Variants in DHRS2 observed in about 807,000 individuals in gnomAD.
DHRS2 encodes the protein dehydrogenase/reductase 2.
In DHRS2, 29 loss-of-function variants were observed where a neutral mutation model predicts 26.3. The ratio of observed to expected loss-of-function variants is 1.10; its 90% confidence interval spans 0.82 to 1.50. The LOEUF (loss-of-function observed/expected upper bound fraction) is 1.50. Ranked by LOEUF, DHRS2 falls within the 40% of genes most tolerant of loss-of-function variation. DHRS2 has a pLI of 0.00. For synonymous variants in DHRS2, 164 were observed against 151.3 expected (o/e 1.08, Z -0.62); for missense variants, 439 against 367.1 (o/e 1.20, Z -1.60).
chr14:23,644,832 T>C lies in DHRS2; in HGVS notation c.681T>C (p.His227=). ...CATTTCTTCCCTTTGCCCAGTTTCATGGGAATGAGTCTCTCTGGAAGAACT... is the reference window on the plus strand; with the variant it reads ...CATTTCTTCCCTTTGCCCAGTTTCACGGGAATGAGTCTCTCTGGAAGAACT... ...IIKTDFSKVF[H]GNESLWKNFK... is the part of the protein sequence containing the mutation. The change falls in exon 8 of 9, where the codon CAT becomes CAC. Residue 227 remains histidine, a synonymous_variant. Coordinates refer to ENST00000250383, the MANE Select transcript of DHRS2 (RefSeq NM_005794.4). The C allele has an allele frequency of 6.2e-7, 1 of 1,614,202 alleles. No individual in the cohort carries two copies. The highest frequency in any genetic ancestry group is 8.5e-7 in the Non-Finnish European group (1 of 1,180,014).
intron 4 of DHRS2, chr14:23,640,127 T>G (rs1289992487): frequency 2.8e-6 from 2 of 716,308 alleles, no homozygotes; most frequent in Non-Finnish European, 3.8e-6. Context: ...TTTTCTCTTC[T>G]CATCACTTTT....
intron 4 of DHRS2, chr14:23,641,618 A>G: frequency 7.8e-7 from 1 of 1,289,556 alleles, no homozygotes; most frequent in Non-Finnish European, 1.0e-6. Flanking sequence ...GTCTGTTTTG[A>G]CCAGGAAACC....
At position 23,639,150 on chromosome 14, in the gene DHRS2, T is replaced by C. The variant is rs568333361; in HGVS notation, c.141-29T>C. 5.6e-6 allele frequency: 9 copies of C among 1,609,310 alleles called. No homozygotes were observed. In the African/African-American group the frequency reaches 1.1e-4, roughly 19 times the overall value. ...AAGGACAGTGGAGAGAGGCTGAGGCTGACTTTTGCCCTCCATCTCTGCATT... is the reference window on the plus strand; with the variant it reads ...AAGGACAGTGGAGAGAGGCTGAGGCCGACTTTTGCCCTCCATCTCTGCATT... On this transcript the variant is annotated intron_variant, in intron 2 of 8. Coordinates refer to ENST00000250383, the MANE Select transcript of DHRS2 (RefSeq NM_005794.4).
chr14:23,644,670 C>A, intron 7 of DHRS2, 127 bp downstream of exon 7: 1 of 1,509,272 alleles, frequency 6.6e-7, no homozygotes, highest in East Asian at 2.3e-5. Flanking sequence ...TCATTGTTCT[C>A]TGAACTCAGC....
chr14:23,634,840 G>A (rs574887051), upstream of DHRS2, among the ~76,000 whole-genome samples: 129 of 152,238 alleles, frequency 8.5e-4, no homozygotes, highest in African/African-American at 3.1e-3. Flanking sequence ...CTGCTCTTGT[G>A]ATAGTGAGTG....
intron 6 of DHRS2, 37 bp downstream of exon 6, chr14:23,644,199 G>C (rs1890780125): frequency 1.2e-6 from 2 of 1,609,812 alleles, no homozygotes; most frequent in Non-Finnish European, 1.7e-6. Flanking sequence ...AGTGGTATAG[G>C]GTGAGGGGCA....
In DHRS2 at chr14:23,645,130, T is replaced by C. The variant is rs1434128530; in HGVS notation, c.732-12T>C. On this transcript the variant is annotated splice_polypyrimidine_tract_variant and intron_variant, in intron 8 of 8. Transcript: ENST00000250383. The stretch of plus-strand genomic sequence containing the variant: ...TACAAGATGCTTGACACTGTGTCCT[T>C]CTTCCATCCAGGATTGGGGAGTCAG... 8 of 1,613,854 alleles carry C rather than the reference T, an allele frequency of 5.0e-6. No homozygotes were observed. Among genetic ancestry groups the C allele is most frequent in the African/African-American group, 2.7e-5 (2 of 74,924 alleles).
chr14:23,632,912 C>A (rs1566695152), upstream of DHRS2, among the ~76,000 whole-genome samples: 1 of 152,210 alleles, frequency 6.6e-6, no homozygotes, highest in Non-Finnish European at 1.5e-5. Flanking sequence ...CTGCTAAGTC[C>A]CTGAGTGCCC....
At position 23,640,487 on chromosome 14, in the gene DHRS2, G is replaced by C. The variant is rs17095390; in HGVS notation, c.420+592G>C. The C allele has an allele frequency of 4.2e-3, 4,038 of 971,006 alleles. 121 individuals carry two copies. In the African/African-American group the frequency reaches 0.064, roughly 15 times the overall value. 60.1% of individuals were successfully genotyped at this position (971,006 alleles called of 1,614,324 possible). A position where few individuals can be genotyped will look rare whatever the true frequency, so the allele number is the denominator to read the frequency against. On this transcript the variant is annotated intron_variant, in intron 4 of 8. Transcript: ENST00000250383. Reference sequence around the variant, plus strand: ...TCCACAAGGGACCGGGAGAGACCTTGTAAAATGCCTTGAAGCTCATCTTGG... The same window carrying C: ...TCCACAAGGGACCGGGAGAGACCTTCTAAAATGCCTTGAAGCTCATCTTGG...
chr14:23,644,768 G>A (rs772707658), intron 7 of DHRS2, 59 bp from the exon 8 acceptor site: 24 of 1,594,366 alleles, frequency 1.5e-5, no homozygotes, highest in Non-Finnish European at 1.8e-5. Context: ...TGGCCTTCCC[G>A]GGGCCCTGCC....
intron 1 of DHRS2, chr14:23,637,976 C>T (rs1468015081): frequency 6.6e-6 from 1 of 152,240 alleles, no homozygotes; most frequent in Admixed American, 6.5e-5. Context: ...CTTGAGTCCC[C>T]TTCCACACTG....
At chr14:23,645,028 C>T in intron 8 of DHRS2, 114 bp from the exon 9 acceptor site, 17 of 1,568,220 alleles carry the variant, frequency 1.1e-5, no homozygotes, top group Non-Finnish European at 1.5e-5. Context: ...TGCAAGTAGC[C>T]CTGCTGCATC....
At chr14:23,635,904 C>T (rs921396320), upstream of DHRS2, among the ~76,000 whole-genome samples, 28 of 152,264 alleles carry the variant, frequency 1.8e-4, no homozygotes, top group African/African-American at 5.1e-4. Flanking sequence ...GGATGAGCTC[C>T]CTCTGGGCTG....
chr14:23,643,026 G>T, intron 4 of DHRS2, 126 bp from the exon 5 acceptor site: 2 of 871,596 alleles, frequency 2.3e-6, no homozygotes, highest in African/African-American at 1.7e-5. Flanking sequence ...AAGGGGGATT[G>T]GTTTCTCTTA....
In DHRS2 at chr14:23,636,722, C is replaced by G. The variant is rs529464441; in HGVS notation, c.-89C>G. ...TATTGCCAAGCAGTGAGACTATTGC[C>G]AAGTGGTGAGACCATCACCAAGCGG... is the stretch of plus-strand genomic sequence containing the variant. On this transcript the variant is annotated 5_prime_UTR_variant, in exon 1 of 9. Transcript: ENST00000250383. 6.6e-6 allele frequency: 1 copy of G among 151,000 alleles called. No homozygotes were observed. The highest frequency in any genetic ancestry group is 1.5e-5 in the Non-Finnish European group (1 of 67,066). 9.4% of individuals were successfully genotyped at this position (151,000 alleles called of 1,614,324 possible). A position where few individuals can be genotyped will look rare whatever the true frequency, so the allele number is the denominator to read the frequency against.
intron 1 of DHRS2, among the ~76,000 whole-genome samples, chr14:23,631,145 A>C (rs1207369704): frequency 6.6e-6 from 1 of 152,244 alleles, no homozygotes; most frequent in Non-Finnish European, 1.5e-5. Context: ...AAAATGTCAA[A>C]GAAATGCATT....
intron 1 of DHRS2, 30 bp from the exon 2 acceptor site, chr14:23,638,797 G>A: frequency 1.3e-6 from 2 of 1,573,434 alleles, no homozygotes; most frequent in Non-Finnish European, 1.7e-6. Context: ...TGAGGCATCA[G>A]TGATAAGTGA....
chr14:23,632,365 G>A (rs1890145415), upstream of DHRS2, among the ~76,000 whole-genome samples: 1 of 152,188 alleles, frequency 6.6e-6, no homozygotes, highest in African/African-American at 2.4e-5. Context: ...TGACCTTGCA[G>A]GAAGGAGAGA....
chr14:23,645,533 AG>A lies in DHRS2; in HGVS notation c.*283del. 1.9e-6 allele frequency: 1 copy of A among 537,936 alleles called. No homozygotes were observed. Among genetic ancestry groups the A allele is most frequent in the South Asian group, 2.8e-5 (1 of 35,374 alleles). 33.3% of individuals were successfully genotyped at this position (537,936 alleles called of 1,614,324 possible). The stretch of plus-strand genomic sequence containing the variant: ...GAGCTGGTGCTTTGGAGGAATCTTA[AG>A]GGAAAGGAGTAGAAGCTCAGGCCTT... On this transcript the variant is annotated 3_prime_UTR_variant, in exon 9 of 9. Coordinates refer to ENST00000250383, the MANE Select transcript of DHRS2 (RefSeq NM_005794.4).
Sources: gnomAD v4.1 joint callset for allele counts (sites outside exome capture counted in the v4.1 genomes callset) on GRCh38, gnomAD v4.1.1 for gene constraint, MANE v1.5 for transcripts, NCBI Gene and HGNC (gene_info 2026-07-23, HGNC 2026-07-21) for gene names.